The following PRLR variants were observed in gnomAD, a reference collection of about 807,000 sequenced individuals.
PRLR encodes hPRL receptor.
PRLR carries 13 observed loss-of-function variants against 40.2 expected under a neutral mutation model. That is an observed-to-expected ratio of 0.32 (90% CI 0.21 to 0.51). The LOEUF (loss-of-function observed/expected upper bound fraction) is 0.51, where lower values mean the gene tolerates loss of function less well. Among genes scored for constraint, PRLR ranks in the 20% least tolerant of loss-of-function variants. The pLI is 0.97. For synonymous variants in PRLR, 269 were observed against 278.7 expected, an observed-to-expected ratio of 0.97 and a Z score of 0.35; for missense variants, 656 against 747.3, an observed-to-expected ratio of 0.88 and a Z score of 1.42.
intron 1 of PRLR, among the ~76,000 whole-genome samples, chr5:35,228,997 C>CTAA (rs1776623671): frequency 6.6e-6 from 1 of 152,020 alleles, no homozygotes; most frequent in African/African-American, 2.4e-5. Context: ...GGACTCACAG[C>CTAA]TAATTCTCAA....
At chr5:35,072,084 G>T (rs1369094418) in intron 6 of PRLR, among the ~76,000 whole-genome samples, 1 of 151,702 alleles carries the variant, frequency 6.6e-6, no homozygotes, top group Non-Finnish European at 1.5e-5. Flanking sequence ...TTTTAGTAGA[G>T]ATGGGGTTTC....
In PRLR at chr5:35,064,455, G is replaced by C. The variant is rs1483885221; in HGVS notation, c.*634C>G. The C allele has an allele frequency of 6.6e-6, 1 of 152,548 alleles. No individual in the cohort carries two copies. The highest frequency in any genetic ancestry group is 1.5e-5 in the Non-Finnish European group (1 of 68,036). 9.4% of individuals were successfully genotyped at this position (152,548 alleles called of 1,614,324 possible). On this transcript the variant is annotated 3_prime_UTR_variant, in exon 10 of 10. Coordinates refer to ENST00000618457, the MANE Select transcript of PRLR (RefSeq NM_000949.7). ...TATATTTTATAGAAGCTTTAGAGTA[G>C]AATTTAGGGGGAAAATCCATGCTTA...
intron 2 of PRLR, among the ~76,000 whole-genome samples, chr5:35,108,330 C>G (rs1772412513): frequency 6.6e-6 from 1 of 152,168 alleles, no homozygotes; most frequent in Non-Finnish European, 1.5e-5. Context: ...GGGATGCCCT[C>G]TCTCACCACT....
intron 2 of PRLR, among the ~76,000 whole-genome samples, chr5:35,103,777 G>A (rs775600102): frequency 1.3e-5 from 2 of 152,206 alleles, no homozygotes; most frequent in Admixed American, 1.3e-4. Context: ...TGGAAGGGAA[G>A]TTTGATGCTT....
At chr5:35,114,718 G>A (rs989398547) in intron 2 of PRLR, among the ~76,000 whole-genome samples, 2 of 152,216 alleles carry the variant, frequency 1.3e-5, no homozygotes, top group African/African-American at 4.8e-5. Context: ...TCTTGCCTCA[G>A]GATTCAGGAT....
At chr5:35,213,764 C>T (rs1776223196) in intron 1 of PRLR, among the ~76,000 whole-genome samples, 1 of 152,172 alleles carries the variant, frequency 6.6e-6, no homozygotes, top group South Asian at 2.1e-4. Flanking sequence ...AGGCATCTTG[C>T]TTTTGTAATT....
chr5:35,049,903 CTTTTTTT>C (rs57649490), intron 8 of PRLR, among the ~76,000 whole-genome samples: 2 of 123,548 alleles, frequency 1.6e-5, no homozygotes, highest in East Asian at 2.3e-4. Context: ...AAACTACATT[CTTTTTTT>C]TTTTTTTTTT....
At chr5:35,197,187 C>T (rs976396203) in intron 1 of PRLR, among the ~76,000 whole-genome samples, 2 of 151,956 alleles carry the variant, frequency 1.3e-5, no homozygotes, top group Non-Finnish European at 1.5e-5. Flanking sequence ...TCCAATTTGC[C>T]GAGGACCTTA....
At chr5:35,191,939 T>C (rs1308845688) in intron 1 of PRLR, among the ~76,000 whole-genome samples, 4 of 152,174 alleles carry the variant, frequency 2.6e-5, no homozygotes, top group Non-Finnish European at 5.9e-5. Flanking sequence ...TACCCAGAAC[T>C]CTTCTCCTTC....
intron 1 of PRLR, among the ~76,000 whole-genome samples, chr5:35,147,525 A>T (rs1241880386): frequency 6.6e-6 from 1 of 152,208 alleles, no homozygotes; most frequent in Non-Finnish European, 1.5e-5. Flanking sequence ...GCTTAACTGG[A>T]GGCCAAAGGG....
At chr5:35,142,614 T>C (rs1023386902) in intron 1 of PRLR, among the ~76,000 whole-genome samples, 1 of 152,256 alleles carries the variant, frequency 6.6e-6, no homozygotes, top group African/African-American at 2.4e-5. Context: ...ACCTTCTTCA[T>C]ATTCTAAATG....
chr5:35,071,042 T>A (rs1769718226), intron 6 of PRLR, among the ~76,000 whole-genome samples: 1 of 152,106 alleles, frequency 6.6e-6, no homozygotes, highest in African/African-American at 2.4e-5. Flanking sequence ...TCTCCTCAAT[T>A]CAGGGGCCAG....
chr5:35,142,848 A>G (rs952770756), intron 1 of PRLR, among the ~76,000 whole-genome samples: 2 of 152,204 alleles, frequency 1.3e-5, no homozygotes, highest in Non-Finnish European at 2.9e-5. Flanking sequence ...TCCACCATTT[A>G]CTTGCTGTGT....
At chr5:35,070,947 G>A (rs1393742287) in intron 6 of PRLR, among the ~76,000 whole-genome samples, 1 of 151,944 alleles carries the variant, frequency 6.6e-6, no homozygotes, top group African/African-American at 2.4e-5. Flanking sequence ...AAAACATGAG[G>A]TGAAAGAGAA....
intron 1 of PRLR, among the ~76,000 whole-genome samples, chr5:35,220,283 C>T (rs555810705): frequency 6.6e-6 from 1 of 152,294 alleles, no homozygotes; most frequent in African/African-American, 2.4e-5. Context: ...CTTCTTACCT[C>T]GGGTCCAGCC....
intron 1 of PRLR, among the ~76,000 whole-genome samples, chr5:35,206,287 A>C (rs1192035245): frequency 2.0e-5 from 3 of 152,200 alleles, no homozygotes; most frequent in African/African-American, 7.2e-5. Context: ...CCCTAAAAGG[A>C]TAAATGGGAT....
intron 1 of PRLR, among the ~76,000 whole-genome samples, chr5:35,187,190 C>G (rs1775463599): frequency 6.6e-6 from 1 of 152,104 alleles, no homozygotes; most frequent in Non-Finnish European, 1.5e-5. Flanking sequence ...CACTTGAGGT[C>G]AGGAGTTTGA....
rs563304688 is a variant in PRLR at position 35,202,314 on chromosome 5, C to T, written c.-106+27954G>A. On this transcript the variant is annotated intron_variant, in intron 1 of 9. Transcript: ENST00000618457. ...TGAGTCAAGTCCTCTACCTGATTCA[C>T]GGATCAAACCGTTCAGCACAGTATT... is the stretch of plus-strand genomic sequence containing the variant. Among the ~76,000 whole-genome samples, 17 of 152,294 alleles carry T rather than the reference C, an allele frequency of 1.1e-4. 1 individual carries two copies. In the South Asian group the frequency reaches 1.9e-3, roughly 17 times the overall value.
chr5:35,168,789 C>T (rs1221333605), intron 1 of PRLR, among the ~76,000 whole-genome samples: 1 of 152,252 alleles, frequency 6.6e-6, no homozygotes, highest in East Asian at 1.9e-4. Context: ...GGTGCAGGTA[C>T]ATCATGGATT....
Sources: allele counts gnomAD v4.1 joint callset (sites outside exome capture counted in the v4.1 genomes callset), GRCh38; gene constraint gnomAD v4.1.1; transcripts MANE v1.5; gene names NCBI Gene and HGNC (gene_info 2026-07-23, HGNC 2026-07-21).